The following CETP variants were observed in gnomAD, a reference collection of about 807,000 sequenced individuals.
CETP encodes cholesteryl ester transfer protein, also known as BPI fold containing family F.
CETP carries 56 observed loss-of-function variants against 66.5 expected under a neutral mutation model. The ratio of observed to expected loss-of-function variants is 0.84; its 90% confidence interval spans 0.68 to 1.05. CETP has a LOEUF of 1.05. Ranked by LOEUF, CETP falls within the 50% of genes least tolerant of loss-of-function variation. The pLI, the probability that CETP is intolerant of heterozygous loss-of-function variation, is 0.00. For synonymous variants in CETP, 251 were observed against 245.7 expected (o/e 1.02, Z -0.20); for missense variants, 612 against 609.6 (o/e 1.00, Z -0.04).
chr16:56,978,774 C>T (rs1221083984), intron 11 of CETP, among the ~76,000 whole-genome samples: 1 of 152,138 alleles, frequency 6.6e-6, no homozygotes, highest in African/African-American at 2.4e-5. Flanking sequence ...GCATGAGCCA[C>T]CATGCCAAGC....
chr16:56,964,067 C>T (rs1468817371), intron 2 of CETP, among the ~76,000 whole-genome samples: 1 of 150,538 alleles, frequency 6.6e-6, no homozygotes, highest in Non-Finnish European at 1.5e-5. Flanking sequence ...CTCACTGTCA[C>T]CCAGGCTGGA....
At chr16:56,971,461 G>T in intron 7 of CETP, 80 bp downstream of exon 7, 1 of 1,229,816 alleles carries the variant, frequency 8.1e-7, no homozygotes, top group South Asian at 1.2e-5. Context: ...GTGGCCTTGG[G>T]ACTGTCACTC....
intron 6 of CETP, 57 bp downstream of exon 6, chr16:56,971,159 C>T: frequency 6.4e-7 from 1 of 1,569,364 alleles, no homozygotes; most frequent in Non-Finnish European, 8.8e-7. Context: ...AGGCTGGATC[C>T]CTTTCCTCCC....
intron 11 of CETP, among the ~76,000 whole-genome samples, chr16:56,980,052 A>G (rs2056177008): frequency 6.6e-6 from 1 of 152,098 alleles, no homozygotes. Flanking sequence ...TCCCCCACCC[A>G]CTTCCCGCTT....
At chr16:56,979,688 G>A (rs1339749878) in intron 11 of CETP, among the ~76,000 whole-genome samples, 1 of 152,048 alleles carries the variant, frequency 6.6e-6, no homozygotes. Flanking sequence ...CTAATTTTTA[G>A]TAGAGGCGGG....
chr16:56,965,877 G>T (rs1257291594), intron 2 of CETP, among the ~76,000 whole-genome samples: 1 of 151,964 alleles, frequency 6.6e-6, no homozygotes, highest in African/African-American at 2.4e-5. Context: ...GGCACAGGCA[G>T]CACAGATCCT....
At chr16:56,976,227 C>T (rs188547125) in intron 10 of CETP, among the ~76,000 whole-genome samples, 29 of 152,182 alleles carry the variant, frequency 1.9e-4, no homozygotes, top group African/African-American at 6.7e-4. Context: ...GTCCTGATAC[C>T]CTCCAATAAT....
In CETP at chr16:56,971,904, G is replaced by T. The variant is rs552463683; in HGVS notation, c.659-88G>T. On this transcript the variant is annotated intron_variant, in intron 7 of 15. Coordinates refer to ENST00000200676, the MANE Select transcript of CETP (RefSeq NM_000078.3). ...ACAGAGGGGAACACTGAGGCTGGAGGGTTGGGTAGCTGTGTGGATGCAGGG... is the reference window on the plus strand; with the variant it reads ...ACAGAGGGGAACACTGAGGCTGGAGTGTTGGGTAGCTGTGTGGATGCAGGG... 25 of 1,132,152 alleles carry T rather than the reference G, an allele frequency of 2.2e-5. No individual in the cohort carries two copies. The African/African-American group carries it at 3.5e-4, about 16-fold the overall frequency. The allele number at this position is 1,132,152 out of a possible 1,614,324, so 70.1% of individuals were successfully genotyped here.
intron 2 of CETP, among the ~76,000 whole-genome samples, chr16:56,966,894 C>T (rs1318338176): frequency 4.0e-5 from 6 of 151,086 alleles, no homozygotes; most frequent in Non-Finnish European, 7.4e-5. Context: ...GGATTATAGG[C>T]GTGAGCCACG....
intron 2 of CETP, among the ~76,000 whole-genome samples, chr16:56,963,995 TTTA>T (rs1396428843): frequency 0.058 from 729 of 12,524 alleles, 3 homozygotes; most frequent in Non-Finnish European, 0.087. Flanking sequence ...CTTTATTTTA[TTTA>T]TTTATTTATT....
At chr16:56,981,004 C>T (rs907221968) in intron 11 of CETP, among the ~76,000 whole-genome samples, 154 bp from the exon 12 acceptor site, 5 of 152,206 alleles carry the variant, frequency 3.3e-5, no homozygotes, top group African/African-American at 7.2e-5. Context: ...GAACTTTCCT[C>T]GGTTTTCAGA....
chr16:56,971,046 A>G lies in CETP; in HGVS notation c.541A>G (p.Lys181Glu), dbSNP rs1281362325. The change falls in exon 6 of 16, where the codon AAG (lysine) becomes GAG (glutamate). Residue 181 changes from lysine (K) to glutamate (E), a missense_variant. By Grantham distance (56) the Lys-to-Glu change is moderately conservative. Coordinates refer to ENST00000200676, the MANE Select transcript of CETP (RefSeq NM_000078.3). ...LQGEREPGWI[K>E]QLFTNFISFT... The stretch of plus-strand genomic sequence containing the variant: ...TGCTGCCTTCAGGCCTGGGTGGATC[A>G]AGCAGCTGTTCACAAATTTCATCTC... 2 of 1,614,174 alleles carry G rather than the reference A, an allele frequency of 1.2e-6. No individual in the cohort carries two copies. Among genetic ancestry groups the G allele is most frequent in the Non-Finnish European group, 1.7e-6 (2 of 1,180,042 alleles).
intron 9 of CETP, 143 bp from the exon 10 acceptor site, chr16:56,974,958 G>A: frequency 2.7e-6 from 2 of 732,706 alleles, no homozygotes; most frequent in East Asian, 5.3e-5. Flanking sequence ...CCTGCCCAGA[G>A]CATCTCACAT....
At chr16:56,979,614 G>C (rs12708981) in intron 11 of CETP, among the ~76,000 whole-genome samples, 1 of 151,782 alleles carries the variant, frequency 6.6e-6, no homozygotes, top group Non-Finnish European at 1.5e-5. Flanking sequence ...TGGTTCAAGC[G>C]ATTCGCGTGC....
chr16:56,976,341 G>A (rs776458600), intron 10 of CETP, among the ~76,000 whole-genome samples: 2 of 152,050 alleles, frequency 1.3e-5, no homozygotes, highest in Non-Finnish European at 2.9e-5. Flanking sequence ...CTCTCCCATG[G>A]CCTCCAGGGC....
At chr16:56,967,591 G>T (rs2056076719) in intron 2 of CETP, among the ~76,000 whole-genome samples, 1 of 150,350 alleles carries the variant, frequency 6.7e-6, no homozygotes, top group Non-Finnish European at 1.5e-5. Context: ...GGAGGCAGAG[G>T]TTGCAGTGAG....
intron 2 of CETP, among the ~76,000 whole-genome samples, chr16:56,965,141 T>A (rs1473128084): frequency 1.3e-5 from 2 of 152,040 alleles, no homozygotes; most frequent in Non-Finnish European, 2.9e-5. Context: ...TTGCAAGAGG[T>A]CAGACATGGC....
intron 15 of CETP, 40 bp downstream of exon 15, chr16:56,983,451 G>C: frequency 6.2e-7 from 1 of 1,607,380 alleles, no homozygotes; most frequent in Non-Finnish European, 8.5e-7. Context: ...TGTTCCTGGG[G>C]AGAGAGGCCC....
Position 56,978,191 on chromosome 16 carries a change from T to C in CETP, c.1082T>C (p.Val361Ala), listed in dbSNP as rs200134880. 5.0e-6 allele frequency: 8 copies of C among 1,614,130 alleles called. No individual in the cohort carries two copies. The highest frequency in any genetic ancestry group is 6.8e-6 in the Non-Finnish European group (8 of 1,180,058). The change falls in exon 11 of 16, where the codon GTG becomes GCG. Residue 361 changes from valine (V) to alanine (A), a missense_variant. Transcript: ENST00000200676. ...QNKGVVVNSS[V>A]MVKFLFPRPD... The stretch of plus-strand genomic sequence containing the variant: ...AAGGGAGTCGTGGTCAATTCTTCAG[T>C]GATGGTGAAATTCCTCTTTCCACGC...
Sources: allele counts gnomAD v4.1 joint callset (sites outside exome capture counted in the v4.1 genomes callset), GRCh38; gene constraint gnomAD v4.1.1; transcripts MANE v1.5; gene names NCBI Gene and HGNC (gene_info 2026-07-23, HGNC 2026-07-21).